The following MBD5 variants were observed in gnomAD, a reference collection of about 807,000 sequenced individuals.
The protein encoded by MBD5 is methyl-CpG binding domain protein 5.
A neutral mutation model predicts 117.3 loss-of-function variants in MBD5; 13 were observed. The observed-to-expected ratio is 0.11, with a 90% confidence interval of 0.07 to 0.18. The LOEUF is 0.18. MBD5 is among the 10% of genes least tolerant of loss of function. MBD5 has a pLI of 1.00. For missense variants in MBD5, 1,879 were observed against 2,093.8 expected (o/e 0.90, Z 2.00); for synonymous variants, 727 against 766.4 (o/e 0.95, Z 0.85).
chr2:148,034,940 C>T (rs1338533230), intron 1 of MBD5, among the ~76,000 whole-genome samples: 1 of 152,108 alleles, frequency 6.6e-6, no homozygotes, highest in East Asian at 1.9e-4. Context: ...TGGGTTTGAG[C>T]ATTGGCTCCA....
At chr2:148,413,908 TAA>T (rs200280301) in intron 4 of MBD5, among the ~76,000 whole-genome samples, 116 of 138,612 alleles carry the variant, frequency 8.4e-4, no homozygotes, top group Middle Eastern at 3.6e-3. Context: ...ACTTATTTTC[TAA>T]AAAAAAAAAA....
At chr2:148,097,025 T>C (rs1696085459) in intron 1 of MBD5, among the ~76,000 whole-genome samples, 1 of 152,076 alleles carries the variant, frequency 6.6e-6, no homozygotes. Context: ...ACTACCTAAA[T>C]GTCCAAGAAT....
intron 4 of MBD5, among the ~76,000 whole-genome samples, chr2:148,423,916 C>T (rs142064375): frequency 2.6e-5 from 4 of 151,980 alleles, no homozygotes; most frequent in Non-Finnish European, 5.9e-5. Context: ...TGGTGGCTCA[C>T]GCCTGTAATC....
intron 4 of MBD5, among the ~76,000 whole-genome samples, chr2:148,384,054 A>T (rs1230023332): frequency 6.6e-6 from 1 of 152,146 alleles, no homozygotes; most frequent in Non-Finnish European, 1.5e-5. Flanking sequence ...CTGGCACAAG[A>T]CAGGGATGCC....
At chr2:148,173,293 C>G (rs143353981) in intron 1 of MBD5, among the ~76,000 whole-genome samples, 1 of 152,154 alleles carries the variant, frequency 6.6e-6, no homozygotes, top group Non-Finnish European at 1.5e-5. Context: ...CAGGTGTCTC[C>G]GGTGGAAATT....
intron 1 of MBD5, among the ~76,000 whole-genome samples, chr2:148,169,711 C>T (rs1242047802): frequency 6.6e-6 from 1 of 152,098 alleles, no homozygotes; most frequent in Non-Finnish European, 1.5e-5. Context: ...CTGGTTATTA[C>T]GAACTTTCAC....
chr2:148,176,860 C>T (rs1698402669), intron 1 of MBD5, among the ~76,000 whole-genome samples: 2 of 147,736 alleles, frequency 1.4e-5, no homozygotes, highest in Non-Finnish European at 3.0e-5. Flanking sequence ...GCCTGCCACC[C>T]CCACTAACTT....
At chr2:148,320,242 A>G (rs1257291622) in intron 3 of MBD5, among the ~76,000 whole-genome samples, 1 of 152,202 alleles carries the variant, frequency 6.6e-6, no homozygotes, top group Non-Finnish European at 1.5e-5. Context: ...AGTGCCATAC[A>G]GACCTCATAG....
chr2:148,171,163 C>A lies in MBD5; in HGVS notation c.-924-7537C>A, dbSNP rs140062513. ...GCTAGCATTACTCTGATACCAAAGC[C>A]AGACAAGGACATTTAAAAAAAGAAA... On this transcript the variant is annotated intron_variant, in intron 1 of 13. Transcript: ENST00000642680. Among the ~76,000 whole-genome samples, 255 of 152,230 alleles carry A rather than the reference C, an allele frequency of 1.7e-3. 2 individuals carry two copies. Among genetic ancestry groups the A allele is most frequent in the African/African-American group, 5.9e-3 (243 of 41,518 alleles).
At chr2:148,107,417 T>C (rs551491065) in intron 1 of MBD5, among the ~76,000 whole-genome samples, 60 of 152,092 alleles carry the variant, frequency 3.9e-4, no homozygotes, top group African/African-American at 1.4e-3. Flanking sequence ...ATTGAGTTTT[T>C]TTTTATCAGA....
chr2:148,056,933 G>A (rs1573963487), intron 1 of MBD5, among the ~76,000 whole-genome samples: 1 of 151,566 alleles, frequency 6.6e-6, no homozygotes, highest in Non-Finnish European at 1.5e-5. Context: ...TAGAGTCTCA[G>A]TTTATTCTTT....
chr2:148,464,054 AT>A, intron 7 of MBD5, 135 bp downstream of exon 7: 1 of 915,536 alleles, frequency 1.1e-6, no homozygotes, highest in Non-Finnish European at 1.6e-6. Flanking sequence ...ATGTCCTGTA[AT>A]TTTATTACAA....
At chr2:148,492,626 A>G (rs12620213) in intron 11 of MBD5, among the ~76,000 whole-genome samples, 14,564 of 152,068 alleles carry the variant, frequency 0.096, 875 homozygotes, top group East Asian at 0.17. Flanking sequence ...ACTTTTGCAC[A>G]TAAGTAAACT....
At chr2:148,400,221 C>A (rs1465408981) in intron 4 of MBD5, among the ~76,000 whole-genome samples, 1 of 151,512 alleles carries the variant, frequency 6.6e-6, no homozygotes, top group Non-Finnish European at 1.5e-5. Context: ...TTCTTTTTTA[C>A]TTTTTTTAAA....
chr2:148,039,036 AAGAT>A (rs1237876470), intron 1 of MBD5, among the ~76,000 whole-genome samples: 3 of 152,182 alleles, frequency 2.0e-5, no homozygotes, highest in Admixed American at 1.3e-4. Flanking sequence ...GCAAAGGAGA[AAGAT>A]AGTGCAGCAG....
intron 4 of MBD5, among the ~76,000 whole-genome samples, chr2:148,403,403 T>A (rs1704983896): frequency 6.6e-6 from 1 of 152,034 alleles, no homozygotes; most frequent in South Asian, 2.1e-4. Context: ...TGGTCTCAAG[T>A]TCCTGACCTC....
Position 148,355,332 on chromosome 2 carries a change from G to T in MBD5, c.-557+12996G>T, listed in dbSNP as rs145596242. 8.0e-5 allele frequency among the ~76,000 whole-genome samples: 12 copies of T among 150,100 alleles called. No individual in the cohort carries two copies. The East Asian group carries it at 2.3e-3, about 29-fold the overall frequency. On this transcript the variant is annotated intron_variant, in intron 4 of 13. Transcript: ENST00000642680. ...TTTTTTTTTTGCCATTGCTTTTGGTGTTTTAGTCATGAAGTCTTTGTCCCT... is the reference window on the plus strand; with the variant it reads ...TTTTTTTTTTGCCATTGCTTTTGGTTTTTTAGTCATGAAGTCTTTGTCCCT...
At chr2:148,394,266 A>G (rs1019130399) in intron 4 of MBD5, among the ~76,000 whole-genome samples, 2 of 152,156 alleles carry the variant, frequency 1.3e-5, no homozygotes, top group African/African-American at 4.8e-5. Context: ...ACAACTTAAA[A>G]TAAGAATTCA....
intron 3 of MBD5, among the ~76,000 whole-genome samples, chr2:148,314,987 TA>T (rs1285483673): frequency 6.6e-6 from 1 of 152,186 alleles, no homozygotes; most frequent in African/African-American, 2.4e-5. Context: ...CATGAGACAT[TA>T]AACAAAGCTA....
Sources: gnomAD v4.1 joint callset for allele counts (sites outside exome capture counted in the v4.1 genomes callset) on GRCh38, gnomAD v4.1.1 for gene constraint, MANE v1.5 for transcripts, NCBI Gene and HGNC (gene_info 2026-07-23, HGNC 2026-07-21) for gene names.